Variants in PRKCA observed in about 807,000 individuals in gnomAD.
The protein encoded by PRKCA is protein kinase C alpha type.
PRKCA carries 27 observed loss-of-function variants against 87.0 expected under a neutral mutation model. That is an observed-to-expected ratio of 0.31 (90% CI 0.23 to 0.43). PRKCA has a LOEUF of 0.43. Ranked by LOEUF, PRKCA falls within the 20% of genes least tolerant of loss-of-function variation. The pLI is 1.00. For synonymous variants in PRKCA, 329 were observed against 311.1 expected (o/e 1.06, Z -0.61); for missense variants, 518 against 852.3 (o/e 0.61, Z 4.88).
intron 3 of PRKCA, among the ~76,000 whole-genome samples, chr17:66,615,574 T>G (rs1329010644): frequency 6.6e-6 from 1 of 152,082 alleles, no homozygotes; most frequent in African/African-American, 2.4e-5. Flanking sequence ...AATGAATAAT[T>G]TACCTCTCCA....
chr17:66,556,584 A>T (rs1443384288), intron 3 of PRKCA, among the ~76,000 whole-genome samples: 1 of 152,190 alleles, frequency 6.6e-6, no homozygotes, highest in East Asian at 1.9e-4. Flanking sequence ...TCCCCACCCA[A>T]ATCTCACCTT....
intron 2 of PRKCA, among the ~76,000 whole-genome samples, chr17:66,422,389 G>T (rs1283380051): frequency 1.3e-5 from 2 of 152,138 alleles, no homozygotes; most frequent in South Asian, 4.2e-4. Context: ...CAGGAATTTT[G>T]TTTTATTCAT....
intron 3 of PRKCA, among the ~76,000 whole-genome samples, chr17:66,547,306 T>A (rs1259905577): frequency 6.6e-6 from 1 of 152,210 alleles, no homozygotes; most frequent in African/African-American, 2.4e-5. Flanking sequence ...AGCTGTGGTC[T>A]CCCTCTGTGC....
chr17:66,437,731 T>TTTTTTTTTTGGGG (rs55779501), intron 2 of PRKCA, among the ~76,000 whole-genome samples: 26 of 11,158 alleles, frequency 2.3e-3, no homozygotes, highest in Non-Finnish European at 3.3e-3. Flanking sequence ...TTTTTTTTTT[T>TTTTTTTTTTGGGG]GAGCGGGGGG....
At chr17:66,526,875 A>G (rs935331020) in intron 3 of PRKCA, among the ~76,000 whole-genome samples, 1 of 152,198 alleles carries the variant, frequency 6.6e-6, no homozygotes, top group Non-Finnish European at 1.5e-5. Flanking sequence ...ATGGTGAAGA[A>G]GCAGTTTGGG....
At chr17:66,442,789 T>C (rs1913841058) in intron 2 of PRKCA, among the ~76,000 whole-genome samples, 1 of 152,236 alleles carries the variant, frequency 6.6e-6, no homozygotes, top group African/African-American at 2.4e-5. Context: ...TGTCAGGTGT[T>C]TGTGTTTCAT....
intron 2 of PRKCA, among the ~76,000 whole-genome samples, chr17:66,395,491 A>AT (rs1910612234): frequency 6.6e-6 from 1 of 152,146 alleles, no homozygotes; most frequent in Admixed American, 6.5e-5. Context: ...GATTAACCAC[A>AT]TTTCACATAC....
chr17:66,774,142 G>C (rs1417296319), intron 14 of PRKCA, 75 bp downstream of exon 14: 1 of 1,609,672 alleles, frequency 6.2e-7, no homozygotes, highest in Non-Finnish European at 8.5e-7. Flanking sequence ...TGGGCCTCGA[G>C]AGCAAGACCT....
At position 66,648,478 on chromosome 17, in the gene PRKCA, C is replaced by T. The variant is rs145992266; in HGVS notation, c.529+2967C>T. ...GGAAATGAAGTGACTCACCCAGAGT[C>T]ACACAGATGGTAAATTGGATGGCTA... is the stretch of plus-strand genomic sequence containing the variant. On this transcript the variant is annotated intron_variant, in intron 5 of 16. Transcript: ENST00000413366. Among the ~76,000 whole-genome samples the T allele has an allele frequency of 5.1e-3, 774 of 152,286 alleles. 6 individuals carry two copies. The highest frequency in any genetic ancestry group is 0.044 in the Middle Eastern group (13 of 294).
rs371208784 is a variant in PRKCA at position 66,704,483 on chromosome 17, T to G, written c.918+15436T>G. Among the ~76,000 whole-genome samples the G allele has an allele frequency of 1.6e-4, 25 of 152,354 alleles. No individual in the cohort carries two copies. The East Asian group carries it at 3.3e-3, about 20-fold the overall frequency. On this transcript the variant is annotated intron_variant, in intron 8 of 16. Transcript: ENST00000413366. ...ATCTCAAGCTAGCTTAACAATGGCT[T>G]CTGTCCAAACTAGACCCCCAGTAAT... is the stretch of plus-strand genomic sequence containing the variant.
At chr17:66,336,895 T>G (rs1325239656) in intron 2 of PRKCA, among the ~76,000 whole-genome samples, 1 of 151,802 alleles carries the variant, frequency 6.6e-6, no homozygotes, top group Non-Finnish European at 1.5e-5. Context: ...CTCAAGTGAT[T>G]GTCCTGCCTC....
chr17:66,361,720 T>C (rs2143481917), intron 2 of PRKCA, among the ~76,000 whole-genome samples: 1 of 152,372 alleles, frequency 6.6e-6, no homozygotes, highest in Non-Finnish European at 1.5e-5. Context: ...TCTTAAATGT[T>C]TATAGATTTA....
chr17:66,735,226 C>T (rs1396770874), intron 9 of PRKCA, among the ~76,000 whole-genome samples: 1 of 152,176 alleles, frequency 6.6e-6, no homozygotes, highest in Admixed American at 6.5e-5. Context: ...TTCATTTTAG[C>T]AGCCAAAATA....
chr17:66,756,403 C>A (rs117691053), intron 13 of PRKCA, among the ~76,000 whole-genome samples: 3,089 of 152,184 alleles, frequency 0.02, 44 homozygotes, highest in East Asian at 0.049. Flanking sequence ...GGCACAGGCT[C>A]CCCACAAGAC....
intron 6 of PRKCA, among the ~76,000 whole-genome samples, chr17:66,687,677 A>G (rs1231672899): frequency 3.9e-5 from 6 of 152,204 alleles, no homozygotes; most frequent in African/African-American, 1.4e-4. Context: ...AGAAAGTGTT[A>G]TTGCCACTGA....
At chr17:66,578,657 C>G (rs1969318616) in intron 3 of PRKCA, among the ~76,000 whole-genome samples, 1 of 152,132 alleles carries the variant, frequency 6.6e-6, no homozygotes, top group African/African-American at 2.4e-5. Context: ...AAGAAGTAGC[C>G]CTGTCTTGGA....
chr17:66,406,720 G>A (rs981484987), intron 2 of PRKCA, among the ~76,000 whole-genome samples: 1 of 151,150 alleles, frequency 6.6e-6, no homozygotes, highest in African/African-American at 2.4e-5. Context: ...TAATCCGTTT[G>A]GGTGGTTGGA....
chr17:66,533,146 C>T (rs975514216), intron 3 of PRKCA, among the ~76,000 whole-genome samples: 2 of 152,194 alleles, frequency 1.3e-5, no homozygotes, highest in African/African-American at 4.8e-5. Flanking sequence ...ACTTATTCTC[C>T]TCTCACCAAG....
At chr17:66,778,158 T>A (rs1975105997) in intron 14 of PRKCA, 2 of 985,236 alleles carry the variant, frequency 2.0e-6, no homozygotes, top group Admixed American at 6.1e-5. Context: ...TTTCCCACAC[T>A]GCTTCTCAGA....
Sources: gnomAD v4.1 joint callset for allele counts (sites outside exome capture counted in the v4.1 genomes callset) on GRCh38, gnomAD v4.1.1 for gene constraint, MANE v1.5 for transcripts, NCBI Gene and HGNC (gene_info 2026-07-23, HGNC 2026-07-21) for gene names.